Variants in ZNF471 observed in about 807,000 individuals in gnomAD.
ZNF471 encodes the protein EZFIT-related protein 1.
A neutral mutation model predicts 13.7 loss-of-function variants in ZNF471; 7 were observed. The ratio of observed to expected loss-of-function variants is 0.51; its 90% CI spans 0.29 to 0.96. ZNF471 has a LOEUF of 0.96. ZNF471 is among the 40% of genes least tolerant of loss of function. The pLI is 0.08. For synonymous variants in ZNF471, 218 were observed against 235.6 expected (o/e 0.93, Z 0.68); for missense variants, 663 against 743.3 (o/e 0.89, Z 1.26).
At chr19:56,517,138 C>T (rs1216215430) in intron 3 of ZNF471, among the ~76,000 whole-genome samples, 4 of 143,954 alleles carry the variant, frequency 2.8e-5, no homozygotes, top group East Asian at 4.0e-4. Context: ...ATTTTTCTCT[C>T]GCTCTCTTTT....
At chr19:56,518,363 G>T in intron 3 of ZNF471, 119 bp from the exon 4 acceptor site, 1 of 730,352 alleles carries the variant, frequency 1.4e-6, no homozygotes. Context: ...TCCTTCAGAT[G>T]TGCTTTATCT....
intron 4 of ZNF471, among the ~76,000 whole-genome samples, chr19:56,518,794 G>A: frequency 6.6e-6 from 1 of 152,128 alleles, no homozygotes; most frequent in Non-Finnish European, 1.5e-5. Flanking sequence ...GTAGAGATTA[G>A]AGAATCTTAA....
chr19:56,523,113 C>T (rs1169434088), intron 4 of ZNF471, among the ~76,000 whole-genome samples: 2 of 152,124 alleles, frequency 1.3e-5, no homozygotes, highest in African/African-American at 4.8e-5. Context: ...GAAAGTTACT[C>T]GTGGTAGTAA....
At chr19:56,509,863 T>C in intron 1 of ZNF471, 1 of 985,288 alleles carries the variant, frequency 1.0e-6, no homozygotes, top group Non-Finnish European at 1.2e-6. Context: ...GGGACTGGAT[T>C]GTGAGAATCC....
chr19:56,511,454 C>A, intron 1 of ZNF471, 63 bp from the exon 2 acceptor site: 1 of 1,280,570 alleles, frequency 7.8e-7, no homozygotes, highest in Non-Finnish European at 1.1e-6. Flanking sequence ...CAGTTTTAGG[C>A]TAGTGATTCT....
At chr19:56,509,973 G>A (rs2043789131) in intron 1 of ZNF471, 2 of 985,480 alleles carry the variant, frequency 2.0e-6, no homozygotes, top group Non-Finnish European at 2.4e-6. Flanking sequence ...GAAAGATCAT[G>A]TGTGTGTCTG....
chr19:56,510,812 A>G lies in ZNF471; in HGVS notation c.-55-705A>G, dbSNP rs1487331879. ...AATGTGGAATAGAATTCCTGTCCCC[A>G]GTCCAAGGGTTTCAGTAAGAAGCAA... On this transcript the variant is annotated intron_variant, in intron 1 of 4. Coordinates refer to ENST00000308031, the MANE Select transcript of ZNF471 (RefSeq NM_020813.4). This position sits in a 1 kb window ranked among gnomAD's most constrained non-coding sequence, Gnocchi z 4.3. 2 of 985,342 alleles carry G rather than the reference A, an allele frequency of 2.0e-6. No individual in the cohort carries two copies. The highest frequency in any genetic ancestry group is 2.4e-6 in the Non-Finnish European group (2 of 829,968). 61.0% of individuals were successfully genotyped at this position (985,342 alleles called of 1,614,324 possible).
At position 56,511,551 on chromosome 19, in the gene ZNF471, A is replaced by G. The variant is rs2147903591; in HGVS notation, c.-21A>G. 1 of 1,613,842 alleles carries G rather than the reference A, an allele frequency of 6.2e-7. No individual in the cohort carries two copies. The highest frequency in any genetic ancestry group is 1.1e-5 in the South Asian group (1 of 91,030). On this transcript the variant is annotated 5_prime_UTR_variant, in exon 2 of 5. Transcript: ENST00000308031. ...CCCAAGACACTGTTCTTCAAGAGAA[A>G]GACCAGAAGAGAAGGCAAAAATGAA...
chr19:56,525,743 C>A lies in ZNF471; in HGVS notation c.1676C>A (p.Thr559Asn). 1.9e-6 allele frequency: 3 copies of A among 1,613,776 alleles called. No homozygotes were observed. Among genetic ancestry groups the A allele is most frequent in the Non-Finnish European group, 2.5e-6 (3 of 1,179,794 alleles). ...GKAFSQTSNL[T>N]QHQRIHTGEK... The stretch of plus-strand genomic sequence containing the variant: ...GCCTTCAGCCAAACTTCCAATCTTA[C>A]TCAACATCAAAGAATTCATACTGGA... The change falls in exon 5 of 5, where the codon ACT becomes AAT. Residue 559 changes from threonine to asparagine, a missense_variant. Coordinates refer to ENST00000308031, the MANE Select transcript of ZNF471 (RefSeq NM_020813.4).
intron 2 of ZNF471, among the ~76,000 whole-genome samples, chr19:56,515,481 C>T (rs1186132113): frequency 2.0e-5 from 3 of 152,024 alleles, no homozygotes; most frequent in East Asian, 1.9e-4. Context: ...TCTAAAGTCC[C>T]GTACATTGAA....
Position 56,510,761 on chromosome 19 carries a change from T to C in ZNF471, c.-55-756T>C. The C allele has an allele frequency of 1.0e-6, 1 of 985,480 alleles. No homozygotes were observed. The highest frequency in any genetic ancestry group is 1.2e-6 in the Non-Finnish European group (1 of 829,994). The allele number at this position is 985,480 out of a possible 1,614,324, so 61.0% of individuals were successfully genotyped here. A position where few individuals can be genotyped will look rare whatever the true frequency, so the allele number is the denominator to read the frequency against. On this transcript the variant is annotated intron_variant, in intron 1 of 4. Transcript: ENST00000308031. The surrounding 1 kb of genome is among the most constrained non-coding windows in gnomAD (Gnocchi z 4.3). ...TGGATTCTTTATGAGTGTGGCTGTT[T>C]GGAATTGTGTGTTGCCGGGATAGGA...
chr19:56,511,351 G>GA (rs796825149), intron 1 of ZNF471, among the ~76,000 whole-genome samples, 166 bp from the exon 2 acceptor site: 1,683 of 145,896 alleles, frequency 0.012, 35 homozygotes, highest in African/African-American at 0.036. Context: ...CCTCAAGCAT[G>GA]AAAAAAAAAA....
At chr19:56,517,144 CT>C (rs145588906) in intron 3 of ZNF471, among the ~76,000 whole-genome samples, 33,231 of 125,560 alleles carry the variant, frequency 0.26, 3,203 homozygotes, top group African/African-American at 0.33. Context: ...CTCTCGCTCT[CT>C]TTTTTTTTTT....
chr19:56,523,460 TTCAGGGAAC>T (rs1381204204), intron 4 of ZNF471, among the ~76,000 whole-genome samples: 1 of 152,100 alleles, frequency 6.6e-6, no homozygotes, highest in Non-Finnish European at 1.5e-5. Context: ...CAGATTAAAG[TTCAGGGAAC>T]TCTGAGAATT....
Position 56,508,346 on chromosome 19 carries a change from A to T in ZNF471, c.-56+426A>T, listed in dbSNP as rs1020242795. 4.1e-5 allele frequency among the ~76,000 whole-genome samples: 6 copies of T among 147,558 alleles called. No individual in the cohort carries two copies. The highest frequency in any genetic ancestry group is 1.5e-4 in the African/African-American group (6 of 39,738). On this transcript the variant is annotated intron_variant, in intron 1 of 4. Transcript: ENST00000308031. This position sits in a 1 kb window ranked among gnomAD's most constrained non-coding sequence, Gnocchi z 4.7. ...AGAGACCAGTGAGTGTGAGAGAGAT[A>T]GGGATGTGCCTGCATTTGAAAGAGA... is the stretch of plus-strand genomic sequence containing the variant.
In ZNF471 at chr19:56,516,289, C is replaced by G; in HGVS notation, c.48C>G (p.Phe16Leu). ...VKVMPQDLVTFKDVAIDFSQE... is the reference protein window; with the variant it reads ...VKVMPQDLVTLKDVAIDFSQE... ...TGTCACTTCAGGACTTAGTGACATT[C>G]AAGGATGTGGCAATAGATTTTTCCC... Residue 16 changes from phenylalanine (F) to leucine (L), a missense_variant, in exon 3 of 5, where the codon TTC (phenylalanine) becomes TTG (leucine). Physicochemically the swap from Phe to Leu is conservative, Grantham distance 22. Transcript: ENST00000308031. This position sits in a 1 kb window ranked among gnomAD's most constrained non-coding sequence, Gnocchi z 4.4. 6.2e-7 allele frequency: 1 copy of G among 1,613,582 alleles called. No individual in the cohort carries two copies. The highest frequency in any genetic ancestry group is 8.5e-7 in the Non-Finnish European group (1 of 1,179,692).
chr19:56,511,490 C>T (rs370077825), intron 1 of ZNF471, 27 bp from the exon 2 acceptor site: 34 of 1,564,220 alleles, frequency 2.2e-5, no homozygotes, highest in Non-Finnish European at 2.9e-5. Flanking sequence ...CTGGCCTCAT[C>T]TCTCTCTAAC....
rs1600529285 is a variant in ZNF471 at position 56,530,009 on chromosome 19, A to G, written c.*4061A>G. On this transcript the variant is annotated 3_prime_UTR_variant, in exon 5 of 5. Coordinates refer to ENST00000308031, the MANE Select transcript of ZNF471 (RefSeq NM_020813.4). ...AGCAAATGTGTTGCAGAATTGTGAA[A>G]AATTTGGAAAAAATGTTTAGTGCTA... 1 of 152,238 alleles carries G rather than the reference A, an allele frequency of 6.6e-6. No individual in the cohort carries two copies. Among genetic ancestry groups the G allele is most frequent in the East Asian group, 1.9e-4 (1 of 5,202 alleles). The allele number at this position is 152,238 out of a possible 1,614,324, so 9.4% of individuals were successfully genotyped here. A position where few individuals can be genotyped will look rare whatever the true frequency, so the allele number is the denominator to read the frequency against.
rs2044090391 is a variant in ZNF471, at chr19:56,530,083, CTG to C, written c.*4139_*4140del. ...TACAGAAAATCAGTTTAGTAGATCACTGTGTAGTTACGGAAAATGAGATGGAT... is the reference window on the plus strand; with the variant it reads ...TACAGAAAATCAGTTTAGTAGATCACTGTAGTTACGGAAAATGAGATGGAT... On this transcript the variant is annotated 3_prime_UTR_variant, in exon 5 of 5. Coordinates refer to ENST00000308031, the MANE Select transcript of ZNF471 (RefSeq NM_020813.4). The C allele has an allele frequency of 6.6e-6, 1 of 152,184 alleles. No individual in the cohort carries two copies. Among genetic ancestry groups the C allele is most frequent in the Non-Finnish European group, 1.5e-5 (1 of 68,036 alleles). The allele number at this position is 152,184 out of a possible 1,614,324, so 9.4% of individuals were successfully genotyped here. A position where few individuals can be genotyped will look rare whatever the true frequency, so the allele number is the denominator to read the frequency against.
Sources: gnomAD v4.1 joint callset for allele counts (sites outside exome capture counted in the v4.1 genomes callset) on GRCh38, gnomAD v4.1.1 for gene constraint, Gnocchi (gnomAD v3.1) non-coding constraint, MANE v1.5 for transcripts, NCBI Gene and HGNC (gene_info 2026-07-23, HGNC 2026-07-21) for gene names.